The following NLGN1 variants were observed in gnomAD, a reference collection of about 807,000 sequenced individuals.
NLGN1 encodes neuroligin 1.
In NLGN1, 12 loss-of-function variants were observed where a neutral mutation model predicts 65.5. The observed-to-expected ratio is 0.18, with a 90% confidence interval of 0.12 to 0.30. The LOEUF (loss-of-function observed/expected upper bound fraction) is 0.30, where lower values mean the gene tolerates loss of function less well. NLGN1 is among the 10% of genes least tolerant of loss of function. The pLI is 1.00. For missense variants in NLGN1, 750 were observed against 1,007.1 expected (o/e 0.74, Z 3.46); for synonymous variants, 350 against 359.5 (o/e 0.97, Z 0.30).
At chr3:173,403,150 A>C (rs906737107) in intron 1 of NLGN1, among the ~76,000 whole-genome samples, 1 of 152,166 alleles carries the variant, frequency 6.6e-6, no homozygotes, top group African/African-American at 2.4e-5. Flanking sequence ...TGTAGAATGC[A>C]TACTTTCATG....
intron 1 of NLGN1, chr3:173,434,878 TG>T (rs1717824411): frequency 6.6e-6 from 1 of 152,652 alleles, no homozygotes; most frequent in Non-Finnish European, 1.5e-5. Flanking sequence ...GGAAATTTTT[TG>T]GTCATTTGGT....
rs73880566 is a variant in NLGN1 at position 173,743,117 on chromosome 3, C to T, written c.494-64563C>T. Among the ~76,000 whole-genome samples, 277 of 152,244 alleles carry T rather than the reference C, an allele frequency of 1.8e-3. 1 individual carries two copies. The highest frequency in any genetic ancestry group is 6.4e-3 in the African/African-American group (264 of 41,564). On this transcript the variant is annotated intron_variant, in intron 3 of 6. Coordinates refer to ENST00000457714, the Ensembl canonical transcript of NLGN1. ...GCATGGAACAGCTATTGAGACCTTT[C>T]TCTTGATGGAAGTTTTCTACTGTTG...
At chr3:173,905,348 A>G (rs1027921364) in intron 4 of NLGN1, among the ~76,000 whole-genome samples, 1 of 152,210 alleles carries the variant, frequency 6.6e-6, no homozygotes. Context: ...CAAAGGGTCC[A>G]TATTAGCTTC....
intron 2 of NLGN1, among the ~76,000 whole-genome samples, chr3:173,452,675 A>G (rs891368299): frequency 6.6e-6 from 1 of 152,212 alleles, no homozygotes; most frequent in Admixed American, 6.5e-5. Flanking sequence ...ATTTAAATGC[A>G]TTAGTCAAGG....
intron 4 of NLGN1, among the ~76,000 whole-genome samples, chr3:174,172,785 G>C (rs1257354371): frequency 6.6e-6 from 1 of 152,044 alleles, no homozygotes; most frequent in Non-Finnish European, 1.5e-5. Context: ...GCTTAGAATA[G>C]CTTTGACTAT....
At chr3:173,860,202 A>G (rs1728789521) in intron 4 of NLGN1, among the ~76,000 whole-genome samples, 1 of 151,980 alleles carries the variant, frequency 6.6e-6, no homozygotes, top group African/African-American at 2.4e-5. Flanking sequence ...AACATTATAT[A>G]CCTTTCCAAA....
In NLGN1 at chr3:174,276,208, A is replaced by G. The variant is rs551050308; in HGVS notation, c.859+681A>G. Among the ~76,000 whole-genome samples, 158 of 151,780 alleles carry G rather than the reference A, an allele frequency of 1.0e-3. 3 individuals carry two copies. In the South Asian group the frequency reaches 0.032, roughly 31 times the overall value. Reference sequence around the variant, plus strand: ...TTGAGGCTGCTGAAATCCATGAAATATTTTTCTCGTTTCCATTTTCTGGCT... The same window carrying G: ...TTGAGGCTGCTGAAATCCATGAAATGTTTTTCTCGTTTCCATTTTCTGGCT... On this transcript the variant is annotated intron_variant, in intron 5 of 6. Coordinates refer to ENST00000457714, the Ensembl canonical transcript of NLGN1.
chr3:173,508,290 A>G (rs183061409), intron 2 of NLGN1, among the ~76,000 whole-genome samples: 21 of 152,220 alleles, frequency 1.4e-4, no homozygotes, highest in African/African-American at 3.6e-4. Context: ...TGTCTCTTCT[A>G]TTTGATCAAT....
intron 4 of NLGN1, among the ~76,000 whole-genome samples, chr3:173,993,814 T>C (rs1721668065): frequency 6.6e-6 from 1 of 151,916 alleles, no homozygotes; most frequent in African/African-American, 2.4e-5. Context: ...ATTGTGTATA[T>C]ATATATTTTC....
chr3:173,479,839 A>C (rs1726940404), intron 2 of NLGN1, among the ~76,000 whole-genome samples: 1 of 152,204 alleles, frequency 6.6e-6, no homozygotes, highest in African/African-American at 2.4e-5. Context: ...GCCTAAGTGT[A>C]AGAGAGTAAA....
At chr3:173,787,215 C>T (rs1413675987) in intron 3 of NLGN1, among the ~76,000 whole-genome samples, 2 of 152,100 alleles carry the variant, frequency 1.3e-5, no homozygotes, top group East Asian at 3.8e-4. Context: ...AATTCATGTG[C>T]AAATTTTTAA....
At chr3:173,487,141 A>G (rs184057350) in intron 2 of NLGN1, among the ~76,000 whole-genome samples, 213 of 152,146 alleles carry the variant, frequency 1.4e-3, no homozygotes, top group African/African-American at 4.9e-3. Flanking sequence ...TTTCTGATAT[A>G]TGCATTTAAG....
intron 4 of NLGN1, among the ~76,000 whole-genome samples, chr3:174,053,797 G>C (rs1410240520): frequency 1.3e-5 from 2 of 151,722 alleles, no homozygotes; most frequent in Non-Finnish European, 2.9e-5. Context: ...TGGGTGTCTA[G>C]TTATTAGGAA....
At chr3:173,742,594 A>G (rs1774814646) in intron 3 of NLGN1, among the ~76,000 whole-genome samples, 1 of 152,152 alleles carries the variant, frequency 6.6e-6, no homozygotes, top group Non-Finnish European at 1.5e-5. Flanking sequence ...TATTATAGCT[A>G]TATTCTAAGC....
chr3:173,816,001 A>T (rs1489734079), intron 4 of NLGN1, among the ~76,000 whole-genome samples: 1 of 147,866 alleles, frequency 6.8e-6, no homozygotes, highest in Non-Finnish European at 1.5e-5. Flanking sequence ...ATAATTAATT[A>T]TAATAGTTAA....
chr3:173,552,710 G>A lies in NLGN1; in HGVS notation c.-320-51569G>A, dbSNP rs1173799549. Reference sequence around the variant, plus strand: ...AGCCAGGCTCCTCCTGCCTGCAAACGGCATGAACTTCCTGAGTCTCTAGCT... The same window carrying A: ...AGCCAGGCTCCTCCTGCCTGCAAACAGCATGAACTTCCTGAGTCTCTAGCT... On this transcript the variant is annotated intron_variant, in intron 2 of 6. Coordinates refer to ENST00000457714, the Ensembl canonical transcript of NLGN1. Among the ~76,000 whole-genome samples, 8 of 152,090 alleles carry A rather than the reference G, an allele frequency of 5.3e-5. 1 individual carries two copies. The highest frequency in any genetic ancestry group is 3.9e-4 in the Admixed American group (6 of 15,268).
chr3:173,423,931 C>T (rs931466780), intron 1 of NLGN1, among the ~76,000 whole-genome samples: 1 of 152,220 alleles, frequency 6.6e-6, no homozygotes, highest in Non-Finnish European at 1.5e-5. Context: ...GAGGACTCCA[C>T]TGCAGCAGAC....
At chr3:173,765,064 G>A (rs1778561046) in intron 3 of NLGN1, among the ~76,000 whole-genome samples, 1 of 146,458 alleles carries the variant, frequency 6.8e-6, no homozygotes, top group Non-Finnish European at 1.5e-5. Flanking sequence ...GTGTGTGTGT[G>A]TGTGTGTGTG....
At chr3:174,053,925 A>G (rs1735476559) in intron 4 of NLGN1, among the ~76,000 whole-genome samples, 2 of 151,942 alleles carry the variant, frequency 1.3e-5, no homozygotes, top group Non-Finnish European at 2.9e-5. Context: ...GGATTTCTGA[A>G]ATTTTCAATA....
Sources: gnomAD v4.1 joint callset for allele counts (sites outside exome capture counted in the v4.1 genomes callset) on GRCh38, gnomAD v4.1.1 for gene constraint, MANE v1.5 for transcripts, NCBI Gene and HGNC (gene_info 2026-07-23, HGNC 2026-07-21) for gene names.